Variants in UVRAG observed in about 807,000 individuals in gnomAD.
UVRAG encodes UV radiation resistance-associated gene protein.
In UVRAG, 19 loss-of-function variants were observed where a neutral mutation model predicts 78.0. The observed-to-expected ratio is 0.24, with a 90% confidence interval of 0.17 to 0.36. The LOEUF is 0.36. Among genes scored for constraint, UVRAG ranks in the 10% least tolerant of loss-of-function variants. The probability of loss-of-function intolerance (pLI) is 1.00; values close to 1 mark genes in which losing one functional copy is unlikely to be tolerated. For synonymous variants in UVRAG, 323 were observed against 324.6 expected (o/e 1.00, Z 0.05); for missense variants, 740 against 853.8 (o/e 0.87, Z 1.66).
chr11:75,947,519 G>A (rs1363564429), intron 6 of UVRAG, among the ~76,000 whole-genome samples: 1 of 152,130 alleles, frequency 6.6e-6, no homozygotes, highest in East Asian at 1.9e-4. Flanking sequence ...ACAGCAACCT[G>A]ATATATAAGG....
At chr11:76,073,541 A>G (rs1951353335) in intron 13 of UVRAG, among the ~76,000 whole-genome samples, 2 of 152,288 alleles carry the variant, frequency 1.3e-5, no homozygotes, top group African/African-American at 2.4e-5. Context: ...ATTGGTAGTG[A>G]TAATAACACA....
chr11:75,910,070 T>C (rs1379295466), intron 5 of UVRAG, among the ~76,000 whole-genome samples: 1 of 152,232 alleles, frequency 6.6e-6, no homozygotes, highest in Admixed American at 6.5e-5. Context: ...ACTAAAAAAG[T>C]AGATATGGGA....
intron 12 of UVRAG, among the ~76,000 whole-genome samples, chr11:76,040,606 A>C (rs1950629537): frequency 6.6e-6 from 1 of 151,862 alleles, no homozygotes; most frequent in African/African-American, 2.4e-5. Context: ...GCCAGGCTGG[A>C]GTGCAGTGGC....
chr11:75,942,553 T>C (rs1316877643), intron 6 of UVRAG: 2 of 152,108 alleles, frequency 1.3e-5, no homozygotes, highest in African/African-American at 4.8e-5. Flanking sequence ...CTGCTTTCTG[T>C]TAAGATGTAA....
At chr11:75,824,123 C>T (rs1945459435) in intron 1 of UVRAG, among the ~76,000 whole-genome samples, 1 of 152,150 alleles carries the variant, frequency 6.6e-6, no homozygotes, top group Non-Finnish European at 1.5e-5. Context: ...GTGCCTCACG[C>T]AATGCACTAC....
At chr11:75,991,950 T>A (rs989460258) in intron 8 of UVRAG, among the ~76,000 whole-genome samples, 1 of 152,188 alleles carries the variant, frequency 6.6e-6, no homozygotes, top group African/African-American at 2.4e-5. Context: ...TAATTGCTCT[T>A]ATATATAGAA....
At chr11:76,082,398 G>A (rs867538918) in intron 13 of UVRAG, among the ~76,000 whole-genome samples, 3 of 152,100 alleles carry the variant, frequency 2.0e-5, no homozygotes, top group Middle Eastern at 6.8e-3. Flanking sequence ...AAATTAGCCA[G>A]GCGTGGTGTC....
At chr11:76,083,126 T>C (rs1826325469) in intron 13 of UVRAG, among the ~76,000 whole-genome samples, 1 of 152,204 alleles carries the variant, frequency 6.6e-6, no homozygotes, top group Non-Finnish European at 1.5e-5. Flanking sequence ...CAAAAAAGAA[T>C]ATCTGCTTTT....
intron 6 of UVRAG, among the ~76,000 whole-genome samples, chr11:75,945,850 A>G (rs1948577514): frequency 6.6e-6 from 1 of 151,728 alleles, no homozygotes; most frequent in African/African-American, 2.4e-5. Context: ...CTTTTTATCT[A>G]GCTAATTCCT....
chr11:75,880,177 G>A, intron 4 of UVRAG, 137 bp downstream of exon 4: 2 of 913,734 alleles, frequency 2.2e-6, no homozygotes, highest in Non-Finnish European at 3.2e-6. Flanking sequence ...CACTAAGAGA[G>A]ACCTTGATGA....
rs879801288 is a variant in UVRAG, at chr11:75,846,593, AT to A, written c.118-5277del. Reference sequence around the variant, plus strand: ...AAAGTATAAATCTGTGTCTACATTCATTTTTTTTTTTTTGCATGTGAATGTC... The same window carrying A: ...AAAGTATAAATCTGTGTCTACATTCATTTTTTTTTTTTGCATGTGAATGTC... On this transcript the variant is annotated intron_variant, in intron 1 of 14. Transcript: ENST00000356136. 8.4e-3 allele frequency among the ~76,000 whole-genome samples: 1,184 copies of A among 140,656 alleles called. 9 individuals carry two copies. The highest frequency in any genetic ancestry group is 0.022 in the African/African-American group (875 of 38,954). 92.3% of individuals were successfully genotyped at this position (140,656 alleles called of 152,430 possible).
At chr11:76,001,790 A>G (rs1949819140) in intron 8 of UVRAG, among the ~76,000 whole-genome samples, 1 of 152,222 alleles carries the variant, frequency 6.6e-6, no homozygotes, top group South Asian at 2.1e-4. Flanking sequence ...TTGAAAAATA[A>G]AAAGGAGTTA....
chr11:76,011,878 G>T (rs1399234808), intron 11 of UVRAG, among the ~76,000 whole-genome samples: 3 of 152,052 alleles, frequency 2.0e-5, no homozygotes, highest in South Asian at 4.1e-4. Flanking sequence ...GCAGGTACAT[G>T]GTACTCAAAA....
intron 7 of UVRAG, among the ~76,000 whole-genome samples, chr11:75,974,723 T>G (rs532307184): frequency 2.0e-4 from 31 of 152,338 alleles, no homozygotes; most frequent in Admixed American, 1.8e-3. Context: ...TTGATGGGGT[T>G]GTTTGATTTT....
In UVRAG at chr11:75,815,335, A is replaced by G. The variant is rs1451268700; in HGVS notation, c.-73A>G. The G allele has an allele frequency of 6.4e-6, 5 of 779,176 alleles. No individual in the cohort carries two copies. Among genetic ancestry groups the G allele is most frequent in the Non-Finnish European group, 8.8e-6 (5 of 569,120 alleles). 48.3% of individuals were successfully genotyped at this position (779,176 alleles called of 1,614,324 possible). On this transcript the variant is annotated 5_prime_UTR_variant, in exon 1 of 15. Transcript: ENST00000356136. ...GGTTTCTAGGCTGCAGGGGCTTGGT[A>G]GGTGGTGGCAAGGGGGCGGCGGCGG...
At chr11:75,851,798 C>A in intron 1 of UVRAG, 85 bp from the exon 2 acceptor site, 1 of 996,938 alleles carries the variant, frequency 1.0e-6, no homozygotes, top group Non-Finnish European at 1.6e-6. Flanking sequence ...CAACTTATTA[C>A]ATTTCATTTT....
intron 7 of UVRAG, among the ~76,000 whole-genome samples, chr11:75,980,373 C>G (rs575080631): frequency 6.6e-6 from 1 of 152,236 alleles, no homozygotes; most frequent in South Asian, 2.1e-4. Flanking sequence ...ACTGTATTGC[C>G]TAGGCTAGTC....
At chr11:76,131,133 G>A (rs1168573457) in intron 14 of UVRAG, among the ~76,000 whole-genome samples, 1 of 152,110 alleles carries the variant, frequency 6.6e-6, no homozygotes, top group African/African-American at 2.4e-5. Context: ...TGTTTCTACA[G>A]ACCATTTTAC....
At chr11:75,948,180 C>T (rs1948618361) in intron 6 of UVRAG, among the ~76,000 whole-genome samples, 1 of 151,952 alleles carries the variant, frequency 6.6e-6, no homozygotes, top group Non-Finnish European at 1.5e-5. Flanking sequence ...CTCAAATTTG[C>T]CTGTAGTCAT....
Sources: gnomAD v4.1 joint callset for allele counts (sites outside exome capture counted in the v4.1 genomes callset) on GRCh38, gnomAD v4.1.1 for gene constraint, MANE v1.5 for transcripts, NCBI Gene and HGNC (gene_info 2026-07-23, HGNC 2026-07-21) for gene names.